Variants in AGBL4 observed in about 807,000 individuals in gnomAD.
The protein encoded by AGBL4 is cytosolic carboxypeptidase 6.
In AGBL4, 58 loss-of-function variants were observed where a neutral mutation model predicts 66.4. The ratio of observed to expected loss-of-function variants is 0.87; its 90% confidence interval spans 0.71 to 1.09. The LOEUF (loss-of-function observed/expected upper bound fraction) is 1.09, where lower values mean the gene tolerates loss of function less well. Ranked by LOEUF, AGBL4 falls within the 50% of genes least tolerant of loss-of-function variation. AGBL4 has a pLI of 0.00. For synonymous variants in AGBL4, 234 were observed against 222.9 expected, an observed-to-expected ratio of 1.05 and a Z score of -0.44; for missense variants, 579 against 631.0, an observed-to-expected ratio of 0.92 and a Z score of 0.88.
intron 6 of AGBL4, among the ~76,000 whole-genome samples, chr1:48,773,132 G>C (rs952708756): frequency 2.6e-5 from 4 of 152,060 alleles, no homozygotes; most frequent in Non-Finnish European, 5.9e-5. Flanking sequence ...GCAGTAAGGA[G>C]ACATCTGAAA....
chr1:49,179,932 G>A (rs983178593), intron 4 of AGBL4, among the ~76,000 whole-genome samples: 11 of 149,570 alleles, frequency 7.4e-5, no homozygotes, highest in Admixed American at 2.0e-4. Flanking sequence ...ACGGAGTTTC[G>A]CTCTTGTTGC....
chr1:49,282,032 T>G (rs912565834), intron 3 of AGBL4, among the ~76,000 whole-genome samples: 2 of 152,126 alleles, frequency 1.3e-5, no homozygotes, highest in African/African-American at 4.8e-5. Flanking sequence ...GGCAAGCTTG[T>G]GGAACTGAAC....
chr1:49,070,475 A>C (rs1404563834), intron 4 of AGBL4, among the ~76,000 whole-genome samples: 1 of 151,978 alleles, frequency 6.6e-6, no homozygotes, highest in African/African-American at 2.4e-5. Flanking sequence ...CCTTTTCTGC[A>C]TCTATTGAGC....
intron 2 of AGBL4, among the ~76,000 whole-genome samples, chr1:49,797,800 T>G (rs182076702): frequency 1.6e-4 from 24 of 152,088 alleles, no homozygotes; most frequent in Admixed American, 7.2e-4. Context: ...AGACATAGTC[T>G]CACTCTGTTG....
intron 9 of AGBL4, among the ~76,000 whole-genome samples, chr1:48,627,639 C>T (rs953121705): frequency 5.9e-5 from 9 of 151,616 alleles, no homozygotes; most frequent in East Asian, 1.9e-4. Context: ...AACTGCTCTG[C>T]GTTGTTATGG....
chr1:48,824,350 T>C lies in AGBL4; in HGVS notation c.634+42841A>G, dbSNP rs112912156. On this transcript the variant is annotated intron_variant, in intron 6 of 13. Coordinates refer to ENST00000371839, the MANE Select transcript of AGBL4 (RefSeq NM_032785.4). ...AGAGCAGACTTTTCTTATGAAGACT[T>C]AACCTCTAATAAATGGGAGTCAGTT... is the stretch of plus-strand genomic sequence containing the variant. 2.0e-3 allele frequency among the ~76,000 whole-genome samples: 309 copies of C among 152,298 alleles called. 1 individual carries two copies. Among genetic ancestry groups the C allele is most frequent in the Non-Finnish European group, 3.5e-3 (235 of 68,030 alleles).
intron 1 of AGBL4, among the ~76,000 whole-genome samples, chr1:49,859,608 C>T (rs1646518441): frequency 6.6e-6 from 1 of 152,002 alleles, no homozygotes; most frequent in African/African-American, 2.4e-5. Context: ...ATCTTTATAT[C>T]TTTATCTTAC....
At position 49,789,308 on chromosome 1, in the gene AGBL4, T is replaced by C. The variant is rs1015840376; in HGVS notation, c.157+62088A>G. 3.3e-5 allele frequency among the ~76,000 whole-genome samples: 5 copies of C among 152,266 alleles called. No homozygotes were observed. The East Asian group carries it at 9.7e-4, about 29-fold the overall frequency. On this transcript the variant is annotated intron_variant, in intron 2 of 13. Transcript: ENST00000371839. ...GATATTGGACTGAAGTTTTCTTTTT[T>C]TGTTGTGTCTCTGCCAGGTTATGGT...
chr1:49,169,689 T>G (rs555678415), intron 4 of AGBL4, among the ~76,000 whole-genome samples: 34 of 152,310 alleles, frequency 2.2e-4, no homozygotes, highest in African/African-American at 8.2e-4. Context: ...TGAGTGATTC[T>G]ATGTGCCGGG....
chr1:48,749,160 C>T (rs1651252785), intron 6 of AGBL4, among the ~76,000 whole-genome samples: 1 of 152,138 alleles, frequency 6.6e-6, no homozygotes, highest in Non-Finnish European at 1.5e-5. Flanking sequence ...TTTCAAATGA[C>T]ATATTTGAGA....
At chr1:48,568,422 T>C (rs1030859788) in intron 11 of AGBL4, among the ~76,000 whole-genome samples, 1 of 152,128 alleles carries the variant, frequency 6.6e-6, no homozygotes, top group Non-Finnish European at 1.5e-5. Flanking sequence ...GGTCTGCCTT[T>C]CTCCCTGTTC....
intron 5 of AGBL4, among the ~76,000 whole-genome samples, chr1:48,978,726 T>C (rs1659532157): frequency 6.6e-6 from 1 of 152,196 alleles, no homozygotes; most frequent in Non-Finnish European, 1.5e-5. Context: ...GTTGAAATGC[T>C]TAGTGTAATT....
At chr1:49,668,962 G>C (rs1646422512) in intron 3 of AGBL4, among the ~76,000 whole-genome samples, 1 of 152,078 alleles carries the variant, frequency 6.6e-6, no homozygotes, top group South Asian at 2.1e-4. Context: ...GGGCCAGGCT[G>C]TTTCTTCATT....
At chr1:49,811,865 A>G (rs1645110217) in intron 2 of AGBL4, among the ~76,000 whole-genome samples, 1 of 152,192 alleles carries the variant, frequency 6.6e-6, no homozygotes, top group African/African-American at 2.4e-5. Context: ...ATACTTCATC[A>G]AAAAACAGAG....
intron 3 of AGBL4, among the ~76,000 whole-genome samples, chr1:49,649,467 G>T (rs1055767507): frequency 2.0e-5 from 3 of 152,100 alleles, no homozygotes; most frequent in Admixed American, 6.6e-5. Flanking sequence ...CAAACTACAT[G>T]AGACAGAAAT....
chr1:49,169,339 A>G (rs1050117843), intron 4 of AGBL4, among the ~76,000 whole-genome samples: 2 of 152,138 alleles, frequency 1.3e-5, no homozygotes, highest in African/African-American at 4.8e-5. Context: ...TGATCTGTAT[A>G]ACAACTGGAT....
chr1:49,677,193 C>G (rs1005559765), intron 3 of AGBL4, among the ~76,000 whole-genome samples: 7 of 151,952 alleles, frequency 4.6e-5, no homozygotes, highest in African/African-American at 1.7e-4. Flanking sequence ...AACCTGAATG[C>G]CTTAAGGAGA....
intron 6 of AGBL4, among the ~76,000 whole-genome samples, chr1:48,734,470 G>C (rs1179746200): frequency 6.6e-6 from 1 of 152,142 alleles, no homozygotes; most frequent in Non-Finnish European, 1.5e-5. Context: ...GTCACTCCAT[G>C]ACTGGAAGAC....
intron 2 of AGBL4, among the ~76,000 whole-genome samples, chr1:49,766,328 C>T (rs1483817809): frequency 1.3e-5 from 2 of 152,052 alleles, no homozygotes; most frequent in Non-Finnish European, 2.9e-5. Context: ...AATTTCATAT[C>T]CTGCCAAACT....
Sources: gnomAD v4.1 joint callset for allele counts (sites outside exome capture counted in the v4.1 genomes callset) on GRCh38, gnomAD v4.1.1 for gene constraint, MANE v1.5 for transcripts, NCBI Gene and HGNC (gene_info 2026-07-23, HGNC 2026-07-21) for gene names.